The following BCLAF1 variants were observed in gnomAD, a reference collection of about 807,000 sequenced individuals.
The protein encoded by BCLAF1 is BCL2 associated transcription factor 1.
In BCLAF1, 10 loss-of-function variants were observed where a neutral mutation model predicts 99.5. That is an observed-to-expected ratio of 0.10 (90% CI 0.06 to 0.17). The LOEUF (loss-of-function observed/expected upper bound fraction) is 0.17, where lower values mean the gene tolerates loss of function less well. Ranked by LOEUF, BCLAF1 falls within the 10% of genes least tolerant of loss-of-function variation. BCLAF1 has a pLI of 1.00. For missense variants in BCLAF1, 636 were observed against 1,105.8 expected (o/e 0.58, Z 6.02); for synonymous variants, 255 against 370.9 (o/e 0.69, Z 3.59).
At chr6:136,277,792 C>A (rs747265093) in intron 4 of BCLAF1, 73 bp downstream of exon 4, 3 of 1,483,900 alleles carry the variant, frequency 2.0e-6, no homozygotes, top group Non-Finnish European at 1.8e-6. Flanking sequence ...CACAATTTTA[C>A]GTTTATAATT....
At position 136,259,750 on chromosome 6, in the gene BCLAF1, A is replaced by G. The variant is rs1294686772; in HGVS notation, c.*1360T>C. 6.6e-6 allele frequency: 1 copy of G among 152,066 alleles called. No homozygotes were observed. Among genetic ancestry groups the G allele is most frequent in the Admixed American group, 6.6e-5 (1 of 15,254 alleles). The allele number at this position is 152,066 out of a possible 1,614,324, so 9.4% of individuals were successfully genotyped here. On this transcript the variant is annotated 3_prime_UTR_variant, in exon 13 of 13. Transcript: ENST00000531224. ...AAGAGCAATACACTTAAGATCTTCA[A>G]AAGTTTACATTAACAGAATAAGCAT... is the stretch of plus-strand genomic sequence containing the variant.
chr6:136,262,523 A>G (rs1781147985), intron 11 of BCLAF1, among the ~76,000 whole-genome samples: 1 of 152,098 alleles, frequency 6.6e-6, no homozygotes. Flanking sequence ...AACCCCCTTC[A>G]TGACTTGAAA....
In BCLAF1 at chr6:136,256,740, G is replaced by A. The variant is rs781750386; in HGVS notation, c.*4370C>T. On this transcript the variant is annotated 3_prime_UTR_variant, in exon 13 of 13. Transcript: ENST00000531224. Reference sequence around the variant, plus strand: ...AAGTGCATTTAACATTCTTTTTCACGGCCACCTTACAAGTATCCTGAGAAC... The same window carrying A: ...AAGTGCATTTAACATTCTTTTTCACAGCCACCTTACAAGTATCCTGAGAAC... 7.6e-5 allele frequency: 12 copies of A among 157,684 alleles called. No individual in the cohort carries two copies. Among genetic ancestry groups the A allele is most frequent in the East Asian group, 5.5e-4 (3 of 5,434 alleles). 9.8% of individuals were successfully genotyped at this position (157,684 alleles called of 1,614,324 possible). A position where few individuals can be genotyped will look rare whatever the true frequency, so the allele number is the denominator to read the frequency against.
At chr6:136,273,271 TGAAAA>T in intron 6 of BCLAF1, 84 bp from the exon 7 acceptor site, 1 of 1,161,098 alleles carries the variant, frequency 8.6e-7, no homozygotes, top group Non-Finnish European at 1.2e-6. Context: ...ATGTAGCAGG[TGAAAA>T]GAAAATAAAA....
At position 136,272,052 on chromosome 6, in the gene BCLAF1, C is replaced by CAGG; in HGVS notation, c.1983_1985dup (p.Leu662dup). On this transcript the variant is annotated inframe_insertion, in exon 8 of 13. Transcript: ENST00000531224. ...CCCCTGCTAAACGGGTATGCTTCCT[C>CAGG]AGGGTACTTGGTGAGATGTCAATTC... 6.2e-7 allele frequency: 1 copy of CAGG among 1,604,224 alleles called. No homozygotes were observed. Among genetic ancestry groups the CAGG allele is most frequent in the Non-Finnish European group, 8.5e-7 (1 of 1,173,356 alleles).
chr6:136,277,174 A>T (rs1783545301), intron 4 of BCLAF1, among the ~76,000 whole-genome samples: 1 of 152,334 alleles, frequency 6.6e-6, no homozygotes, highest in Admixed American at 6.5e-5. Context: ...ACTTTCAGCA[A>T]CACTTGAAAT....
intron 8 of BCLAF1, chr6:136,270,046 C>G (rs2128473730): frequency 6.6e-6 from 1 of 152,374 alleles, no homozygotes; most frequent in East Asian, 1.9e-4. Context: ...AAAAGAGATC[C>G]TAACATAATG....
intron 6 of BCLAF1, chr6:136,273,489 C>T (rs1584049112): frequency 8.1e-6 from 2 of 245,666 alleles, no homozygotes; most frequent in East Asian, 9.2e-5. Flanking sequence ...CAAAAAGGAA[C>T]ATAATCTATG....
At chr6:136,279,225 G>T (rs1784030628) in intron 3 of BCLAF1, among the ~76,000 whole-genome samples, 1 of 151,928 alleles carries the variant, frequency 6.6e-6, no homozygotes, top group African/African-American at 2.4e-5. Flanking sequence ...AAGCCTGGTG[G>T]GGGAAAAAGA....
intron 1 of BCLAF1, among the ~76,000 whole-genome samples, chr6:136,284,130 GTATA>G (rs60218804): frequency 7.4e-4 from 90 of 122,096 alleles, no homozygotes; most frequent in Middle Eastern, 4.1e-3. Flanking sequence ...GTGTGTGTGT[GTATA>G]TATATATATA....
intron 4 of BCLAF1, 53 bp downstream of exon 4, chr6:136,277,812 A>G: frequency 6.5e-7 from 1 of 1,537,302 alleles, no homozygotes; most frequent in Non-Finnish European, 8.7e-7. Context: ...TCCAAACAGA[A>G]TTCAAAGAAC....
Position 136,259,988 on chromosome 6 carries a change from T to C in BCLAF1, c.*1122A>G, listed in dbSNP as rs1183095964. The stretch of plus-strand genomic sequence containing the variant: ...CTTAAGAGGAAAAAGAAAAAGCCAT[T>C]CTACAAAAACTGCAACTGAAATGGG... On this transcript the variant is annotated 3_prime_UTR_variant, in exon 13 of 13. Transcript: ENST00000531224. The C allele has an allele frequency of 1.3e-5, 2 of 151,998 alleles. No individual in the cohort carries two copies. Among genetic ancestry groups the C allele is most frequent in the African/African-American group, 4.8e-5 (2 of 41,430 alleles). 9.4% of individuals were successfully genotyped at this position (151,998 alleles called of 1,614,324 possible).
At chr6:136,273,016 T>C in intron 7 of BCLAF1, 66 bp downstream of exon 7, 1 of 1,156,702 alleles carries the variant, frequency 8.6e-7, no homozygotes, top group South Asian at 1.5e-5. Flanking sequence ...TCCAATACAA[T>C]CTTGTTTTAA....
At chr6:136,261,503 C>A in intron 11 of BCLAF1, 26 bp from the exon 12 acceptor site, 1 of 1,590,376 alleles carries the variant, frequency 6.3e-7, no homozygotes, top group South Asian at 1.1e-5. Context: ...AAACAATTGT[C>A]AATGAAATGT....
At chr6:136,275,287 C>T (rs887146255) in intron 6 of BCLAF1, among the ~76,000 whole-genome samples, 1 of 152,058 alleles carries the variant, frequency 6.6e-6, no homozygotes, top group African/African-American at 2.4e-5. Context: ...CATGTTCTAC[C>T]ATGATACAGA....
chr6:136,271,784 G>GA (rs1408812251), intron 8 of BCLAF1: 2 of 353,536 alleles, frequency 5.7e-6, no homozygotes, highest in African/African-American at 2.1e-5. Context: ...TTAGTGTTTT[G>GA]AAAAAACACT....
In BCLAF1 at chr6:136,258,814, T is replaced by C. The variant is rs189591064; in HGVS notation, c.*2296A>G. 7.2e-5 allele frequency: 11 copies of C among 152,610 alleles called. No homozygotes were observed. Among genetic ancestry groups the C allele is most frequent in the Admixed American group, 5.2e-4 (8 of 15,286 alleles). 9.5% of individuals were successfully genotyped at this position (152,610 alleles called of 1,614,324 possible). ...AAACATTTTGCTTTTAGTATAAAAA[T>C]TCCTAGGATGCTGAAAGGTACACAT... On this transcript the variant is annotated 3_prime_UTR_variant, in exon 13 of 13. Coordinates refer to ENST00000531224, the MANE Select transcript of BCLAF1 (RefSeq NM_014739.3).
chr6:136,285,328 A>G (rs1784988167), intron 1 of BCLAF1, among the ~76,000 whole-genome samples: 3 of 152,216 alleles, frequency 2.0e-5, no homozygotes, highest in African/African-American at 7.2e-5. Flanking sequence ...GAAAAATGAA[A>G]AATCACTAGT....
intron 1 of BCLAF1, among the ~76,000 whole-genome samples, chr6:136,285,498 T>C (rs1372786935): frequency 6.6e-6 from 1 of 152,212 alleles, no homozygotes; most frequent in Non-Finnish European, 1.5e-5. Context: ...GTGCTCTCTC[T>C]TCAATACCCT....
Sources: gnomAD v4.1 joint callset for allele counts (sites outside exome capture counted in the v4.1 genomes callset) on GRCh38, gnomAD v4.1.1 for gene constraint, MANE v1.5 for transcripts, NCBI Gene and HGNC (gene_info 2026-07-23, HGNC 2026-07-21) for gene names.